Variants in TBC1D5 observed in about 807,000 individuals in gnomAD.
TBC1D5 encodes the protein TBC1 domain family member 5, also known as TBC1 domain family, member 5.
In TBC1D5, 75 loss-of-function variants were observed where a neutral mutation model predicts 100.3. The observed-to-expected ratio is 0.75, with a 90% CI of 0.62 to 0.91. The LOEUF (loss-of-function observed/expected upper bound fraction) is 0.91, where lower values mean the gene tolerates loss of function less well. Among genes scored for constraint, TBC1D5 ranks in the 40% least tolerant of loss-of-function variants. The pLI is 0.00. For missense variants in TBC1D5, 910 were observed against 942.4 expected (o/e 0.97, Z 0.45); for synonymous variants, 323 against 325.6 (o/e 0.99, Z 0.09).
At chr3:17,348,074 A>G (rs1203341623) in intron 13 of TBC1D5, among the ~76,000 whole-genome samples, 1 of 152,224 alleles carries the variant, frequency 6.6e-6, no homozygotes, top group East Asian at 1.9e-4. Context: ...TGGACTTTAA[A>G]TTCTTGGGAA....
Position 17,725,359 on chromosome 3 carries a change from G to C in TBC1D5, c.-101+13984C>G, listed in dbSNP as rs56358031. On this transcript the variant is annotated intron_variant, in intron 1 of 21. Coordinates refer to ENST00000253692, the Ensembl canonical transcript of TBC1D5. ...TGCAAATCCAAGAGAGAGAAGGCCA[G>C]TTGTTATAACTACTTAGGAGCGAAG... Among the ~76,000 whole-genome samples the C allele has an allele frequency of 9.3e-3, 1,411 of 151,982 alleles. 17 individuals are homozygous for C. The highest frequency in any genetic ancestry group is 0.017 in the Middle Eastern group (5 of 290).
chr3:17,299,260 C>T (rs1471180902), intron 14 of TBC1D5, among the ~76,000 whole-genome samples: 2 of 152,082 alleles, frequency 1.3e-5, no homozygotes, highest in South Asian at 2.1e-4. Context: ...ATGTCCAGGG[C>T]AGAACAGAGT....
At chr3:17,181,034 G>A (rs910859267) in intron 19 of TBC1D5, among the ~76,000 whole-genome samples, 11 of 152,092 alleles carry the variant, frequency 7.2e-5, no homozygotes, top group African/African-American at 2.4e-4. Flanking sequence ...AACTCCTAGA[G>A]TAAGTTTCTG....
intron 13 of TBC1D5, among the ~76,000 whole-genome samples, chr3:17,325,608 C>T (rs1173126686): frequency 2.0e-5 from 3 of 152,126 alleles, no homozygotes; most frequent in Non-Finnish European, 4.4e-5. Flanking sequence ...AGGCATGAGC[C>T]ACCGCGCCTG....
At chr3:17,400,086 C>G (rs2093607560) in intron 8 of TBC1D5, among the ~76,000 whole-genome samples, 1 of 152,128 alleles carries the variant, frequency 6.6e-6, no homozygotes, top group Non-Finnish European at 1.5e-5. Flanking sequence ...TGTCTCACCA[C>G]TCTCCCCGAC....
At chr3:17,736,738 G>A (rs1560589132) in intron 1 of TBC1D5, among the ~76,000 whole-genome samples, 1 of 152,192 alleles carries the variant, frequency 6.6e-6, no homozygotes, top group East Asian at 1.9e-4. Flanking sequence ...GAGGCCTGGT[G>A]CAATGGCTCA....
At chr3:17,195,242 T>C (rs2070493230) in intron 18 of TBC1D5, among the ~76,000 whole-genome samples, 1 of 152,244 alleles carries the variant, frequency 6.6e-6, no homozygotes, top group Non-Finnish European at 1.5e-5. Flanking sequence ...GTTGTGTTTT[T>C]ATAATTAGGC....
intron 1 of TBC1D5, among the ~76,000 whole-genome samples, chr3:17,733,781 T>A (rs563159306): frequency 1.3e-5 from 2 of 151,794 alleles, no homozygotes; most frequent in East Asian, 3.9e-4. Flanking sequence ...TTAAAAAAAA[T>A]GGCTGGCTCC....
chr3:17,172,933 C>T (rs2067311772), intron 19 of TBC1D5, among the ~76,000 whole-genome samples: 1 of 152,258 alleles, frequency 6.6e-6, no homozygotes. Flanking sequence ...AGAGGTGGAA[C>T]TGGGCAAGGC....
chr3:17,713,622 T>C (rs2074967233), intron 1 of TBC1D5, among the ~76,000 whole-genome samples: 1 of 152,088 alleles, frequency 6.6e-6, no homozygotes, highest in South Asian at 2.1e-4. Context: ...GGGGGAAAAA[T>C]GTTTCTAAAT....
intron 1 of TBC1D5, among the ~76,000 whole-genome samples, chr3:17,665,344 TATCTTTATA>T (rs2067146058): frequency 6.6e-6 from 1 of 152,248 alleles, no homozygotes; most frequent in African/African-American, 2.4e-5. Flanking sequence ...GTCTCGCTCA[TATCTTTATA>T]AAAGTTTGCA....
chr3:17,229,426 C>T (rs1168392260), intron 17 of TBC1D5, among the ~76,000 whole-genome samples: 6 of 152,124 alleles, frequency 3.9e-5, no homozygotes, highest in Admixed American at 2.6e-4. Context: ...AAAAGTCAAA[C>T]GCTGTTGGAT....
intron 3 of TBC1D5, among the ~76,000 whole-genome samples, chr3:17,454,558 C>T (rs1055977556): frequency 1.3e-5 from 2 of 152,102 alleles, no homozygotes; most frequent in African/African-American, 4.8e-5. Context: ...CTCCCGGGTT[C>T]ACGCCATTCT....
chr3:17,532,593 C>A (rs1277879464), intron 2 of TBC1D5, among the ~76,000 whole-genome samples: 1 of 152,128 alleles, frequency 6.6e-6, no homozygotes, highest in Non-Finnish European at 1.5e-5. Context: ...ACCCAAATGT[C>A]CAACAATGAT....
At chr3:17,358,182 GTTTGTT>G (rs369884044) in intron 13 of TBC1D5, among the ~76,000 whole-genome samples, 14 of 151,268 alleles carry the variant, frequency 9.3e-5, no homozygotes, top group African/African-American at 2.9e-4. Context: ...TTTTTTGTTT[GTTTGTT>G]TTTGTTTTTG....
intron 1 of TBC1D5, among the ~76,000 whole-genome samples, chr3:17,669,845 G>A (rs991612725): frequency 6.6e-6 from 1 of 152,072 alleles, no homozygotes; most frequent in East Asian, 1.9e-4. Flanking sequence ...ATTATTCAAG[G>A]TATATATCTT....
At chr3:17,686,304 C>T (rs1275058015) in intron 1 of TBC1D5, among the ~76,000 whole-genome samples, 1 of 151,960 alleles carries the variant, frequency 6.6e-6, no homozygotes, top group Admixed American at 6.6e-5. Context: ...TTTTATCTAC[C>T]CATAGTATAG....
intron 8 of TBC1D5, among the ~76,000 whole-genome samples, chr3:17,388,516 A>G (rs1472036757): frequency 4.6e-5 from 7 of 151,938 alleles, no homozygotes; most frequent in African/African-American, 1.4e-4. Context: ...ATCTGTAAAT[A>G]CTGCAATGTG....
At chr3:17,256,056 A>C (rs973276729) in intron 16 of TBC1D5, among the ~76,000 whole-genome samples, 1 of 152,148 alleles carries the variant, frequency 6.6e-6, no homozygotes, top group Admixed American at 6.5e-5. Context: ...AACAACAAAA[A>C]AAATTTGAAA....
Sources: gnomAD v4.1 joint callset for allele counts (sites outside exome capture counted in the v4.1 genomes callset) on GRCh38, gnomAD v4.1.1 for gene constraint, MANE v1.5 for transcripts, NCBI Gene and HGNC (gene_info 2026-07-23, HGNC 2026-07-21) for gene names.